ZBTB16: variants seen among roughly 807,000 people sequenced by gnomAD.
The protein encoded by ZBTB16 is zinc finger and BTB domain containing 16, also known as zinc finger and BTB domain-containing protein 16.
ZBTB16 carries 8 observed loss-of-function variants against 56.8 expected under a neutral mutation model. The ratio of observed to expected loss-of-function variants is 0.14; its 90% CI spans 0.08 to 0.25. ZBTB16 has a LOEUF of 0.25. ZBTB16 is among the 10% of genes least tolerant of loss of function. ZBTB16 has a pLI of 1.00. For synonymous variants in ZBTB16, 363 were observed against 368.5 expected (o/e 0.98, Z 0.17); for missense variants, 625 against 903.0 (o/e 0.69, Z 3.95).
chr11:114,237,588 AT>A (rs1202666102), intron 4 of ZBTB16, among the ~76,000 whole-genome samples: 6 of 152,112 alleles, frequency 3.9e-5, no homozygotes, highest in Non-Finnish European at 2.9e-5. Context: ...TGCTAATACA[AT>A]TTTCTAGATA....
At chr11:114,233,068 C>A (rs1306167521) in intron 4 of ZBTB16, among the ~76,000 whole-genome samples, 8 of 20,156 alleles carry the variant, frequency 4.0e-4, no homozygotes, top group African/African-American at 6.1e-4. Context: ...CATACGCATG[C>A]GCGCGCGCGC....
At chr11:114,210,699 A>G (rs1943982440) in intron 4 of ZBTB16, 5 of 219,146 alleles carry the variant, frequency 2.3e-5, no homozygotes, top group Non-Finnish European at 4.6e-5. Context: ...GAGCAAGAGC[A>G]AAATTTTGGA....
chr11:114,231,071 G>A (rs745854145), intron 4 of ZBTB16, among the ~76,000 whole-genome samples: 1 of 152,192 alleles, frequency 6.6e-6, no homozygotes, highest in Admixed American at 6.5e-5. Flanking sequence ...CTTTGGGAAT[G>A]TCTGAAACTA....
chr11:114,187,419 C>A, intron 4 of ZBTB16: 1 of 274,088 alleles, frequency 3.6e-6, no homozygotes, highest in South Asian at 4.9e-5. Context: ...GAAACTGAAA[C>A]CCTCGTGTGG....
chr11:114,113,043 G>T (rs1395543940), intron 2 of ZBTB16, among the ~76,000 whole-genome samples: 4 of 152,042 alleles, frequency 2.6e-5, no homozygotes, highest in Non-Finnish European at 4.4e-5. Context: ...CTAAAATGCC[G>T]GGATTACATG....
chr11:114,072,017 T>C (rs1241908796), intron 2 of ZBTB16, among the ~76,000 whole-genome samples: 4 of 152,246 alleles, frequency 2.6e-5, no homozygotes, highest in African/African-American at 9.6e-5. Context: ...TCAGAAAATA[T>C]TTATCCTGTG....
At position 114,060,034 on chromosome 11, in the gene ZBTB16, G is replaced by T. The variant is rs750831021; in HGVS notation, c.-91+152G>T. 7.3e-4 allele frequency among the ~76,000 whole-genome samples: 111 copies of T among 152,152 alleles called. No homozygotes were observed. The highest frequency in any genetic ancestry group is 3.2e-3 in the Middle Eastern group (1 of 316). On this transcript the variant is annotated intron_variant, in intron 1 of 6. Transcript: ENST00000335953. This position sits in a 1 kb window ranked among gnomAD's most constrained non-coding sequence, Gnocchi z 6.0. ...TTATTTGGCGTGTTCCCTTCCTGCC[G>T]CTGCAGCCGTCGCCGCCACCGGTTG...
chr11:114,231,344 C>A (rs954520838), intron 4 of ZBTB16, among the ~76,000 whole-genome samples: 48 of 152,154 alleles, frequency 3.2e-4, no homozygotes, highest in African/African-American at 1.1e-3. Context: ...TCTTGGGGGT[C>A]TTCTCTATCA....
chr11:114,092,922 A>G (rs1036810438), intron 2 of ZBTB16, among the ~76,000 whole-genome samples: 20 of 152,140 alleles, frequency 1.3e-4, no homozygotes, highest in Non-Finnish European at 2.4e-4. Context: ...ATTATTATAT[A>G]GGGAAGAGAA....
intron 3 of ZBTB16, among the ~76,000 whole-genome samples, chr11:114,159,068 G>A (rs1342363888): frequency 6.6e-6 from 1 of 152,384 alleles, no homozygotes. Context: ...AGCATTGGTG[G>A]GGCTGGTGGA....
rs555016132 is a variant in ZBTB16 at position 114,089,368 on chromosome 11, T to TA, written c.1268+24802dup. Among the ~76,000 whole-genome samples, 7 of 152,352 alleles carry TA rather than the reference T, an allele frequency of 4.6e-5. No homozygotes were observed. In the South Asian group the frequency reaches 1.4e-3, roughly 32 times the overall value. Reference sequence around the variant, plus strand: ...CTTCAGTACCTCTTGCTGATTTGGTTAACCCAGTTGTTATACCACGATATT... The same window carrying TA: ...CTTCAGTACCTCTTGCTGATTTGGTTAAACCCAGTTGTTATACCACGATATT... On this transcript the variant is annotated intron_variant, in intron 2 of 6. Coordinates refer to ENST00000335953, the MANE Select transcript of ZBTB16 (RefSeq NM_006006.6).
At position 114,233,079 on chromosome 11, in the gene ZBTB16, GCGCA is replaced by G. The variant is rs1462464167; in HGVS notation, c.1454-9086_1454-9083del. 1.6e-3 allele frequency among the ~76,000 whole-genome samples: 87 copies of G among 53,746 alleles called. 2 individuals are homozygous for G. Among genetic ancestry groups the G allele is most frequent in the African/African-American group, 4.9e-3 (81 of 16,464 alleles). The allele number at this position is 53,746 out of a possible 152,430, so 35.3% of individuals were successfully genotyped here. A position where few individuals can be genotyped will look rare whatever the true frequency, so the allele number is the denominator to read the frequency against. On this transcript the variant is annotated intron_variant, in intron 4 of 6. Coordinates refer to ENST00000335953, the MANE Select transcript of ZBTB16 (RefSeq NM_006006.6). ...TGCACATACGCATGCGCGCGCGCGCGCGCACACACACACACACACACACACACAC... is the reference window on the plus strand; with the variant it reads ...TGCACATACGCATGCGCGCGCGCGCGCACACACACACACACACACACACAC...
At chr11:114,244,854 C>A (rs57579826) in intron 5 of ZBTB16, among the ~76,000 whole-genome samples, 1 of 151,972 alleles carries the variant, frequency 6.6e-6, no homozygotes, top group East Asian at 1.9e-4. Context: ...CCCCTTCCCC[C>A]CCACCGCCGC....
intron 2 of ZBTB16, among the ~76,000 whole-genome samples, chr11:114,105,324 T>C (rs1450424597): frequency 6.6e-6 from 1 of 151,974 alleles, no homozygotes; most frequent in Non-Finnish European, 1.5e-5. Flanking sequence ...CACTGCAACT[T>C]CCACCTCCTG....
intron 2 of ZBTB16, among the ~76,000 whole-genome samples, chr11:114,096,849 G>T (rs1396793978): frequency 6.6e-6 from 1 of 152,080 alleles, no homozygotes; most frequent in Non-Finnish European, 1.5e-5. Context: ...GAGAGTGTTG[G>T]ATACCAAAGC....
Position 114,251,806 on chromosome 11 carries a change from G to A in ZBTB16, c.*1251G>A, listed in dbSNP as rs117407608. ...TGCAGGAGGAGGAGGATTTGAAAGC[G>A]CTTTGGCCTTGTGTTATGTTTTGCT... On this transcript the variant is annotated 3_prime_UTR_variant, in exon 7 of 7. Transcript: ENST00000335953. Among the ~76,000 whole-genome samples the A allele has an allele frequency of 1.3e-5, 2 of 152,156 alleles. No individual in the cohort carries two copies. Among genetic ancestry groups the A allele is most frequent in the African/African-American group, 4.8e-5 (2 of 41,436 alleles).
At chr11:114,155,132 C>G (rs186385246) in intron 2 of ZBTB16, among the ~76,000 whole-genome samples, 141 of 152,372 alleles carry the variant, frequency 9.3e-4, no homozygotes, top group African/African-American at 3.3e-3. Context: ...AACACATCAA[C>G]ATTTTGATGG....
chr11:114,232,214 G>C (rs1434762198), intron 4 of ZBTB16, among the ~76,000 whole-genome samples: 1 of 152,174 alleles, frequency 6.6e-6, no homozygotes, highest in Non-Finnish European at 1.5e-5. Context: ...CAACCTTGCA[G>C]AGGGTTACAG....
At chr11:114,097,636 C>A (rs897280309) in intron 2 of ZBTB16, among the ~76,000 whole-genome samples, 1 of 152,006 alleles carries the variant, frequency 6.6e-6, no homozygotes, top group Non-Finnish European at 1.5e-5. Context: ...ATCAGTCTAG[C>A]GTTGCCCTTT....
Sources: allele counts gnomAD v4.1 joint callset (sites outside exome capture counted in the v4.1 genomes callset), GRCh38; gene constraint gnomAD v4.1.1; non-coding constraint Gnocchi (gnomAD v3.1); transcripts MANE v1.5; gene names NCBI Gene and HGNC (gene_info 2026-07-23, HGNC 2026-07-21).